The following MOB3B variants were observed in gnomAD, a reference collection of about 807,000 sequenced individuals.
MOB3B encodes MOB kinase activator 3B, also known as MOB kinase activator-like 2B.
In MOB3B, 7 loss-of-function variants were observed where a neutral mutation model predicts 18.7. The ratio of observed to expected loss-of-function variants is 0.37; its 90% confidence interval spans 0.21 to 0.70. The LOEUF (loss-of-function observed/expected upper bound fraction) is 0.70. Among genes scored for constraint, MOB3B ranks in the 30% least tolerant of loss-of-function variants. The pLI is 0.52. For missense variants in MOB3B, 253 were observed against 281.3 expected, an observed-to-expected ratio of 0.90 and a Z score of 0.72; for synonymous variants, 111 against 99.9, an observed-to-expected ratio of 1.11 and a Z score of -0.66.
chr9:27,497,360 A>G (rs1420507926), intron 1 of MOB3B, among the ~76,000 whole-genome samples: 1 of 152,258 alleles, frequency 6.6e-6, no homozygotes. Context: ...CCCAAAAATC[A>G]TGGAGTATCC....
At chr9:27,490,439 A>T (rs1054819826) in intron 1 of MOB3B, among the ~76,000 whole-genome samples, 2 of 152,214 alleles carry the variant, frequency 1.3e-5, no homozygotes, top group African/African-American at 4.8e-5. Flanking sequence ...AGCAACTAAT[A>T]GTGTTTGAGA....
chr9:27,505,032 C>T (rs1820038840), intron 1 of MOB3B, among the ~76,000 whole-genome samples: 2 of 152,186 alleles, frequency 1.3e-5, no homozygotes, highest in Admixed American at 6.5e-5. Context: ...ACTTGGCCCA[C>T]CCTGATAATC....
At chr9:27,418,640 A>G (rs10812589) in intron 2 of MOB3B, among the ~76,000 whole-genome samples, 39,011 of 152,154 alleles carry the variant, frequency 0.26, 6,383 homozygotes, top group East Asian at 0.63. Flanking sequence ...GCATCTCTTT[A>G]TGATTAAAAC....
In MOB3B at chr9:27,484,929, T is replaced by C. The variant is rs571090199; in HGVS notation, c.-198-29181A>G. On this transcript the variant is annotated intron_variant, in intron 1 of 3. Coordinates refer to ENST00000262244, the MANE Select transcript of MOB3B (RefSeq NM_024761.5). Reference sequence around the variant, plus strand: ...CTGGGACATGGAGTACAGTGACCATTATACCTCAGTTAATGGAAACTTGAC... The same window carrying C: ...CTGGGACATGGAGTACAGTGACCATCATACCTCAGTTAATGGAAACTTGAC... 1.3e-4 allele frequency among the ~76,000 whole-genome samples: 20 copies of C among 152,224 alleles called. No homozygotes were observed. The South Asian group carries it at 4.1e-3, about 32-fold the overall frequency.
At chr9:27,480,519 C>T (rs963824859) in intron 1 of MOB3B, among the ~76,000 whole-genome samples, 3 of 152,134 alleles carry the variant, frequency 2.0e-5, no homozygotes, top group Non-Finnish European at 2.9e-5. Context: ...CCAGGATGGT[C>T]TTGATCTCCT....
At chr9:27,372,423 C>T (rs1048810118) in intron 2 of MOB3B, among the ~76,000 whole-genome samples, 3 of 152,076 alleles carry the variant, frequency 2.0e-5, no homozygotes, top group Non-Finnish European at 4.4e-5. Flanking sequence ...TAAATACTCC[C>T]TGTTCAAGGA....
chr9:27,331,629 T>G (rs1408170623), intron 3 of MOB3B, among the ~76,000 whole-genome samples: 1 of 152,206 alleles, frequency 6.6e-6, no homozygotes, highest in African/African-American at 2.4e-5. Flanking sequence ...GTGGCTCCTC[T>G]TTCATCTCCA....
At chr9:27,342,676 C>T (rs555103031) in intron 3 of MOB3B, among the ~76,000 whole-genome samples, 7 of 152,184 alleles carry the variant, frequency 4.6e-5, no homozygotes, top group South Asian at 2.1e-4. Context: ...CCTTGTTGGC[C>T]GGGCTGGTCT....
At chr9:27,453,287 G>A (rs1822817105) in intron 2 of MOB3B, among the ~76,000 whole-genome samples, 3 of 152,142 alleles carry the variant, frequency 2.0e-5, no homozygotes, top group Admixed American at 2.0e-4. Flanking sequence ...ATTTCACTCA[G>A]CATTTCCCAA....
intron 1 of MOB3B, among the ~76,000 whole-genome samples, chr9:27,515,894 G>A (rs1303018775): frequency 1.3e-5 from 2 of 152,158 alleles, no homozygotes; most frequent in African/African-American, 2.4e-5. Flanking sequence ...GCCTTATTTG[G>A]AAACAAAAGA....
intron 2 of MOB3B, among the ~76,000 whole-genome samples, chr9:27,438,709 T>C (rs868346083): frequency 2.6e-5 from 4 of 152,266 alleles, no homozygotes; most frequent in Admixed American, 2.6e-4. Flanking sequence ...AAACGTACAC[T>C]TGCGGCGCCT....
chr9:27,447,425 G>T (rs1425677999), intron 2 of MOB3B, among the ~76,000 whole-genome samples: 3 of 152,110 alleles, frequency 2.0e-5, no homozygotes, highest in Non-Finnish European at 4.4e-5. Flanking sequence ...ACCCTATTAT[G>T]GCCTTTGTTT....
chr9:27,335,663 C>A (rs568763885), intron 3 of MOB3B, among the ~76,000 whole-genome samples: 1 of 152,316 alleles, frequency 6.6e-6, no homozygotes, highest in Admixed American at 6.5e-5. Context: ...ACAACGATTT[C>A]CATACACATG....
chr9:27,465,534 T>C (rs945764823), intron 1 of MOB3B, among the ~76,000 whole-genome samples: 22 of 152,160 alleles, frequency 1.4e-4, no homozygotes, highest in African/African-American at 5.3e-4. Flanking sequence ...ATGGCCCTCT[T>C]CTTACAGCTC....
chr9:27,457,726 G>C (rs72725203), intron 1 of MOB3B, among the ~76,000 whole-genome samples: 3,379 of 151,342 alleles, frequency 0.022, 62 homozygotes, highest in Middle Eastern at 0.051. Context: ...ATTGACCTTT[G>C]ACCCACTCCC....
chr9:27,384,415 G>A (rs1392608710), intron 2 of MOB3B, among the ~76,000 whole-genome samples: 1 of 152,134 alleles, frequency 6.6e-6, no homozygotes, highest in East Asian at 1.9e-4. Context: ...AGGAGATCCT[G>A]TTATTTCAGA....
intron 2 of MOB3B, among the ~76,000 whole-genome samples, chr9:27,410,602 T>C (rs1460838960): frequency 1.3e-5 from 2 of 152,120 alleles, no homozygotes. Flanking sequence ...CACTCCAGGG[T>C]TAATGCTTTG....
intron 2 of MOB3B, among the ~76,000 whole-genome samples, chr9:27,412,232 C>G (rs1300152501): frequency 6.6e-6 from 1 of 151,180 alleles, no homozygotes; most frequent in Non-Finnish European, 1.5e-5. Flanking sequence ...GGCAGCCATA[C>G]CTACCCCCAT....
At chr9:27,449,445 A>G (rs549965858) in intron 2 of MOB3B, among the ~76,000 whole-genome samples, 8 of 152,306 alleles carry the variant, frequency 5.3e-5, no homozygotes, top group African/African-American at 1.9e-4. Flanking sequence ...AATCCTTACA[A>G]CAGTCCTGTG....
Sources: gnomAD v4.1 joint callset for allele counts (sites outside exome capture counted in the v4.1 genomes callset) on GRCh38, gnomAD v4.1.1 for gene constraint, MANE v1.5 for transcripts, NCBI Gene and HGNC (gene_info 2026-07-23, HGNC 2026-07-21) for gene names.